ST3GAL1: variants seen among roughly 807,000 people sequenced by gnomAD.
ST3GAL1 encodes ST3 beta-galactoside alpha-2,3-sialyltransferase 1.
ST3GAL1 carries 16 observed loss-of-function variants against 34.1 expected under a neutral mutation model. The observed-to-expected ratio is 0.47, with a 90% CI of 0.32 to 0.71. The LOEUF (loss-of-function observed/expected upper bound fraction) is 0.71, where lower values mean the gene tolerates loss of function less well. Among genes scored for constraint, ST3GAL1 ranks in the 30% least tolerant of loss-of-function variants. The pLI is 0.04. For synonymous variants in ST3GAL1, 191 were observed against 184.7 expected (o/e 1.03, Z -0.28); for missense variants, 353 against 447.4 (o/e 0.79, Z 1.90).
intron 2 of ST3GAL1, among the ~76,000 whole-genome samples, chr8:133,543,827 G>A (rs537015920): frequency 2.6e-4 from 39 of 151,812 alleles, no homozygotes; most frequent in Admixed American, 5.3e-4. Context: ...TCATCATTCT[G>A]GATATGCTTG....
At chr8:133,510,886 C>T (rs969734391) in intron 2 of ST3GAL1, among the ~76,000 whole-genome samples, 1 of 152,186 alleles carries the variant, frequency 6.6e-6, no homozygotes, top group Admixed American at 6.5e-5. Flanking sequence ...AGGGGAAGGA[C>T]AGGGAATGAA....
intron 3 of ST3GAL1, among the ~76,000 whole-genome samples, chr8:133,492,999 G>T (rs1332046154): frequency 6.6e-6 from 1 of 152,194 alleles, no homozygotes; most frequent in African/African-American, 2.4e-5. Flanking sequence ...CGCTGGGAAT[G>T]GCCAAACACC....
chr8:133,492,175 G>A (rs959456889), intron 3 of ST3GAL1, among the ~76,000 whole-genome samples: 1 of 152,124 alleles, frequency 6.6e-6, no homozygotes, highest in South Asian at 2.1e-4. Context: ...GGCCAGTTCT[G>A]ACCAGGAGGC....
intron 2 of ST3GAL1, among the ~76,000 whole-genome samples, chr8:133,503,790 G>A (rs1817254488): frequency 6.6e-6 from 1 of 152,150 alleles, no homozygotes. Flanking sequence ...AACGAGAGTG[G>A]AGAAAAAAAC....
At chr8:133,545,429 C>T (rs949799629) in intron 2 of ST3GAL1, among the ~76,000 whole-genome samples, 3 of 152,232 alleles carry the variant, frequency 2.0e-5, no homozygotes, top group African/African-American at 7.2e-5. Flanking sequence ...ACCAGAGTGT[C>T]ATGCCAGGCC....
At chr8:133,558,535 T>C (rs1819125525) in intron 1 of ST3GAL1, among the ~76,000 whole-genome samples, 1 of 152,208 alleles carries the variant, frequency 6.6e-6, no homozygotes, top group African/African-American at 2.4e-5. Context: ...TAAGATTTTA[T>C]AATTCTTTGA....
intron 3 of ST3GAL1, chr8:133,488,183 A>C (rs1029043228): frequency 2.6e-5 from 4 of 152,240 alleles, no homozygotes; most frequent in Admixed American, 6.5e-5. Context: ...CAGGAATTCA[A>C]GGCTGCAATG....
intron 1 of ST3GAL1, among the ~76,000 whole-genome samples, chr8:133,558,360 T>C (rs1176365885): frequency 6.6e-6 from 1 of 152,176 alleles, no homozygotes; most frequent in Non-Finnish European, 1.5e-5. Flanking sequence ...CCAGATTTTA[T>C]GGATGAGGAA....
In ST3GAL1 at chr8:133,475,661, C is replaced by T. The variant is rs536454062; in HGVS notation, c.306+58G>A. On this transcript the variant is annotated intron_variant, in intron 5 of 9. Transcript: ENST00000522652. ...AGATCCCCACTCTCAGCCCAGACCC[C>T]ACTCTCAGTCCACACCCCAACTCTC... is the stretch of plus-strand genomic sequence containing the variant. 4.0e-6 allele frequency: 6 copies of T among 1,484,632 alleles called. 1 individual carries two copies. The Admixed American group carries it at 6.6e-5, about 16-fold the overall frequency. The allele number at this position is 1,484,632 out of a possible 1,614,324, so 92.0% of individuals were successfully genotyped here. A position where few individuals can be genotyped will look rare whatever the true frequency, so the allele number is the denominator to read the frequency against.
intron 2 of ST3GAL1, among the ~76,000 whole-genome samples, chr8:133,541,118 TATAGAGAGAG>T (rs1281555576): frequency 7.7e-5 from 4 of 52,150 alleles, no homozygotes; most frequent in East Asian, 4.4e-4. Context: ...TATATATATA[TATAGAGAGAG>T]AGAGAGAGAG....
intron 3 of ST3GAL1, among the ~76,000 whole-genome samples, chr8:133,494,913 C>CTTTTTTTTTT (rs34975583): frequency 1.5e-4 from 15 of 100,708 alleles, no homozygotes; most frequent in South Asian, 3.5e-4. Flanking sequence ...TTCCTCTATT[C>CTTTTTTTTTT]TTTTTTTTTT....
intron 2 of ST3GAL1, among the ~76,000 whole-genome samples, chr8:133,500,051 G>A (rs1466030760): frequency 2.6e-5 from 4 of 152,206 alleles, no homozygotes; most frequent in Admixed American, 2.0e-4. Context: ...TTGTTGTAAT[G>A]TTTTTCCTAA....
intron 1 of ST3GAL1, among the ~76,000 whole-genome samples, chr8:133,549,110 T>C (rs1818751203): frequency 6.6e-6 from 1 of 152,226 alleles, no homozygotes; most frequent in Admixed American, 6.5e-5. Context: ...CCATAAGATA[T>C]AAGGCAGTAG....
chr8:133,557,382 G>A (rs1355685933), intron 1 of ST3GAL1, among the ~76,000 whole-genome samples: 3 of 152,156 alleles, frequency 2.0e-5, no homozygotes, highest in Admixed American at 1.3e-4. Context: ...AGTGCAGGAG[G>A]GCACAGAAGG....
At chr8:133,528,315 T>C (rs1299036227) in intron 2 of ST3GAL1, among the ~76,000 whole-genome samples, 1 of 152,202 alleles carries the variant, frequency 6.6e-6, no homozygotes, top group African/African-American at 2.4e-5. Context: ...CTAGCCTAGA[T>C]TGCTAAGCTC....
intron 1 of ST3GAL1, among the ~76,000 whole-genome samples, chr8:133,569,380 A>G (rs1819499986): frequency 6.6e-6 from 1 of 152,268 alleles, no homozygotes; most frequent in Non-Finnish European, 1.5e-5. Flanking sequence ...ACACATGTAG[A>G]GTATGAACTA....
chr8:133,517,297 G>C (rs1817674622), intron 2 of ST3GAL1, among the ~76,000 whole-genome samples: 1 of 152,176 alleles, frequency 6.6e-6, no homozygotes. Flanking sequence ...TGCTGGGGAA[G>C]AGCCCACCAA....
chr8:133,490,366 G>A (rs749488459), intron 3 of ST3GAL1, among the ~76,000 whole-genome samples: 3 of 152,206 alleles, frequency 2.0e-5, no homozygotes, highest in Admixed American at 6.5e-5. Context: ...ACAGCTGGCG[G>A]CATGCGTATC....
intron 1 of ST3GAL1, among the ~76,000 whole-genome samples, chr8:133,547,090 A>G (rs3758105): frequency 0.21 from 31,402 of 151,636 alleles, 4,756 homozygotes; most frequent in African/African-American, 0.42. Flanking sequence ...AATGGCCCCA[A>G]TTTGTTCAGG....
Sources: allele counts gnomAD v4.1 joint callset (sites outside exome capture counted in the v4.1 genomes callset), GRCh38; gene constraint gnomAD v4.1.1; transcripts MANE v1.5; gene names NCBI Gene and HGNC (gene_info 2026-07-23, HGNC 2026-07-21).